ZNF410: variants seen among roughly 807,000 people sequenced by gnomAD.
The protein encoded by ZNF410 is another partner for ARF 1.
ZNF410 carries 18 observed loss-of-function variants against 54.8 expected under a neutral mutation model. The observed-to-expected ratio is 0.33, with a 90% confidence interval of 0.23 to 0.49. ZNF410 has a LOEUF of 0.49. Among genes scored for constraint, ZNF410 ranks in the 20% least tolerant of loss-of-function variants. The pLI is 0.99. For missense variants in ZNF410, 405 were observed against 569.6 expected (o/e 0.71, Z 2.94); for synonymous variants, 191 against 207.3 (o/e 0.92, Z 0.68).
chr14:73,906,089 C>T, intron 7 of ZNF410, among the ~76,000 whole-genome samples: 1 of 151,216 alleles, frequency 6.6e-6, no homozygotes, highest in Non-Finnish European at 1.5e-5. Context: ...AGCTCCACCT[C>T]CTGGGTTCAT....
chr14:73,903,778 A>T, intron 5 of ZNF410, 182 bp from the exon 6 acceptor site: 1 of 764,352 alleles, frequency 1.3e-6, no homozygotes, highest in Non-Finnish European at 2.0e-6. Context: ...TTGGGATTAT[A>T]GGTGTGAGCA....
At chr14:73,909,302 A>T (rs745621234) in intron 7 of ZNF410, 39 bp from the exon 8 acceptor site, 2 of 1,556,336 alleles carry the variant, frequency 1.3e-6, no homozygotes, top group Non-Finnish European at 1.8e-6. Flanking sequence ...TAATCAGTTC[A>T]TCAGAAGACT....
intron 8 of ZNF410, among the ~76,000 whole-genome samples, chr14:73,917,772 G>A (rs1037850529): frequency 2.0e-5 from 3 of 152,074 alleles, no homozygotes; most frequent in African/African-American, 7.2e-5. Flanking sequence ...GCAGTGAACC[G>A]AGATCATGCC....
At chr14:73,923,798 T>C (rs532565123) in intron 11 of ZNF410, among the ~76,000 whole-genome samples, 2 of 152,244 alleles carry the variant, frequency 1.3e-5, no homozygotes, top group African/African-American at 4.8e-5. Flanking sequence ...TGCCACACTA[T>C]AACATGATAC....
intron 8 of ZNF410, among the ~76,000 whole-genome samples, chr14:73,910,110 A>T (rs1224755669): frequency 6.6e-6 from 1 of 152,152 alleles, no homozygotes; most frequent in African/African-American, 2.4e-5. Context: ...CCTGTAGGAC[A>T]TGGTGATTTA....
chr14:73,892,564 ATTT>A (rs2055248311), intron 2 of ZNF410, among the ~76,000 whole-genome samples: 2 of 151,838 alleles, frequency 1.3e-5, no homozygotes, highest in African/African-American at 4.8e-5. Flanking sequence ...TCTTTTGTTT[ATTT>A]TATATATATC....
intron 8 of ZNF410, among the ~76,000 whole-genome samples, chr14:73,915,121 G>A (rs982940650): frequency 6.6e-6 from 1 of 150,882 alleles, no homozygotes. Context: ...AATTATCCAG[G>A]TGTGGTAGCT....
intron 9 of ZNF410, chr14:73,921,336 A>T (rs1039198159): frequency 1.6e-5 from 7 of 433,272 alleles, no homozygotes; most frequent in African/African-American, 1.0e-4. Flanking sequence ...AAACAAAGCA[A>T]TCTGATAAAT....
At chr14:73,900,606 C>A (rs949799317) in intron 5 of ZNF410, among the ~76,000 whole-genome samples, 1 of 152,072 alleles carries the variant, frequency 6.6e-6, no homozygotes. Flanking sequence ...AACTCCTGAC[C>A]CAAGGTGATC....
rs755285803 is a variant in ZNF410 at position 73,923,425 on chromosome 14, T to C, written c.1301T>C (p.Leu434Pro). ...CTTGCTGAAGGATCCCCACGTTCCC[T>C]GTCTTCAGTGCCTGATGTGACACAT... ...EVLAEGSPRS[L>P]SSVPDVTHHL... Residue 434 changes from leucine to proline, a missense_variant, in exon 11 of 12, where the codon CTG becomes CCG. Around this residue, in one of 3 missense-constraint regions of ZNF410, gnomAD observed 127 missense variants for 141.3 expected, o/e 0.90. Transcript: ENST00000555044. 7 of 1,613,800 alleles carry C rather than the reference T, an allele frequency of 4.3e-6. No homozygotes were observed. The Admixed American group carries it at 1.0e-4, about 23-fold the overall frequency.
chr14:73,923,625 T>C lies in ZNF410; in HGVS notation c.1398+103T>C, dbSNP rs1447240421. The stretch of plus-strand genomic sequence containing the variant: ...TCTCCAGTTTCCATTTCCTGGAAAC[T>C]TTGGCACGAATATTTTCCTTTAAAT... On this transcript the variant is annotated intron_variant, in intron 11 of 11. Coordinates refer to ENST00000555044, the MANE Select transcript of ZNF410 (RefSeq NM_021188.3). 4 of 1,444,564 alleles carry C rather than the reference T, an allele frequency of 2.8e-6. No homozygotes were observed. In the Admixed American group the frequency reaches 6.6e-5, roughly 24 times the overall value. The allele number at this position is 1,444,564 out of a possible 1,614,324, so 89.5% of individuals were successfully genotyped here. A position where few individuals can be genotyped will look rare whatever the true frequency, so the allele number is the denominator to read the frequency against.
rs184298984 is a variant in ZNF410, at chr14:73,904,207, G to A, written c.731+97G>A. 7 of 1,353,226 alleles carry A rather than the reference G, an allele frequency of 5.2e-6. No homozygotes were observed. In the African/African-American group the frequency reaches 8.7e-5, roughly 17 times the overall value. 83.8% of individuals were successfully genotyped at this position (1,353,226 alleles called of 1,614,324 possible). On this transcript the variant is annotated intron_variant, in intron 6 of 11. Transcript: ENST00000555044. ...CCTCAGGTTGACAAATTACAGGAAA[G>A]TAGGGACTCCAGTTAACTTCTGGTT...
At chr14:73,899,132 G>T (rs1183138329) in intron 5 of ZNF410, among the ~76,000 whole-genome samples, 1 of 151,600 alleles carries the variant, frequency 6.6e-6, no homozygotes, top group Non-Finnish European at 1.5e-5. Context: ...GTTGTTTGGA[G>T]TTTATGCAGA....
Position 73,921,059 on chromosome 14 carries a change from T to C in ZNF410, c.1083T>C (p.His361=). 1 of 1,613,182 alleles carries C rather than the reference T, an allele frequency of 6.2e-7. No individual in the cohort carries two copies. ...GCAGGAATGTGCATATGAGAAAGCATCACCTGCAGCTGGGAGCAGCTGGGA... is the reference window on the plus strand; with the variant it reads ...GCAGGAATGTGCATATGAGAAAGCACCACCTGCAGCTGGGAGCAGCTGGGA... ...SGSRNVHMRK[H]HLQLGAAGSQ... Residue 361 remains histidine, a synonymous_variant, in exon 9 of 12, where the codon CAT becomes CAC. Coordinates refer to ENST00000555044, the MANE Select transcript of ZNF410 (RefSeq NM_021188.3).
chr14:73,920,812 C>CT, intron 8 of ZNF410, 168 bp from the exon 9 acceptor site: 1 of 761,684 alleles, frequency 1.3e-6, no homozygotes, highest in Admixed American at 2.8e-5. Flanking sequence ...TGTACTCTTC[C>CT]TGCCTTCCCC....
chr14:73,891,843 G>A (rs892399687), intron 1 of ZNF410, 184 bp from the exon 2 acceptor site: 21 of 584,402 alleles, frequency 3.6e-5, no homozygotes, highest in East Asian at 1.2e-4. Flanking sequence ...GCATCAAAGC[G>A]TAGTATTTTT....
chr14:73,903,612 T>G (rs568034866), intron 5 of ZNF410: 46 of 213,672 alleles, frequency 2.2e-4, no homozygotes, highest in African/African-American at 1.0e-3. Context: ...GCCTCAGCCT[T>G]GGAGCCTCAA....
intron 2 of ZNF410, among the ~76,000 whole-genome samples, chr14:73,892,573 A>G (rs1027922733): frequency 9.9e-5 from 15 of 151,998 alleles, no homozygotes; most frequent in Non-Finnish European, 2.2e-4. Context: ...TATTTTATAT[A>G]TATCTGTAAG....
rs1165733088 is a variant in ZNF410 at position 73,921,090 on chromosome 14, G to A, written c.1114G>A (p.Glu372Lys). The A allele has an allele frequency of 6.2e-7, 1 of 1,614,056 alleles. No individual in the cohort carries two copies. Among genetic ancestry groups the A allele is most frequent in the Non-Finnish European group, 8.5e-7 (1 of 1,179,998 alleles). The change falls in exon 9 of 12, where the codon GAG becomes AAG. Residue 372 changes from glutamate (E) to lysine (K), a missense_variant. Physicochemically the swap from Glu to Lys is moderately conservative, Grantham distance 56. Coordinates refer to ENST00000555044, the MANE Select transcript of ZNF410 (RefSeq NM_021188.3). The stretch of plus-strand genomic sequence containing the variant: ...GCAGCTGGGAGCAGCTGGGAGTCAA[G>A]AGCAGGAGCAAACTGGTGAGGAGGG... ...HLQLGAAGSQ[E>K]QEQTAEPLMG... is the part of the protein sequence containing the mutation.
Sources: gnomAD v4.1 joint callset for allele counts (sites outside exome capture counted in the v4.1 genomes callset) on GRCh38, gnomAD v4.1.1 for gene constraint, gnomAD v4.1.1 regional missense constraint, MANE v1.5 for transcripts, NCBI Gene and HGNC (gene_info 2026-07-23, HGNC 2026-07-21) for gene names.